NAT1: variants seen among roughly 807,000 people sequenced by gnomAD.
NAT1 encodes arylamine N-acetyltransferase 1.
For synonymous variants in NAT1, 144 were observed against 122.6 expected, an observed-to-expected ratio of 1.17 and a Z score of -1.16; for missense variants, 400 against 339.2, an observed-to-expected ratio of 1.18 and a Z score of -1.41.
At chr8:18,174,642 C>T (rs976637010) in intron 2 of NAT1, among the ~76,000 whole-genome samples, 1 of 151,908 alleles carries the variant, frequency 6.6e-6, no homozygotes, top group Admixed American at 6.6e-5. Flanking sequence ...CTTTAGAGGG[C>T]GGTTATTGTG....
intron 2 of NAT1, among the ~76,000 whole-genome samples, chr8:18,186,771 A>T (rs1802754725): frequency 6.6e-6 from 1 of 152,160 alleles, no homozygotes; most frequent in South Asian, 2.1e-4. Flanking sequence ...ACAAAGCTGA[A>T]AATTAATTGC....
chr8:18,220,318 G>C (rs1281121902), intron 2 of NAT1, among the ~76,000 whole-genome samples: 1 of 151,990 alleles, frequency 6.6e-6, no homozygotes, highest in Non-Finnish European at 1.5e-5. Flanking sequence ...GGTCAGAAAG[G>C]AAAAATAGGA....
chr8:18,178,795 G>C (rs1308665965), intron 2 of NAT1, among the ~76,000 whole-genome samples: 1 of 152,096 alleles, frequency 6.6e-6, no homozygotes, highest in Non-Finnish European at 1.5e-5. Flanking sequence ...GCCGGGTTTT[G>C]AACAGAGACT....
intron 2 of NAT1, among the ~76,000 whole-genome samples, chr8:18,195,774 C>T (rs1454876767): frequency 6.6e-6 from 1 of 152,112 alleles, no homozygotes; most frequent in Non-Finnish European, 1.5e-5. Flanking sequence ...CAGCTGCACT[C>T]AGAGCCCATA....
chr8:18,217,067 T>C, intron 1 of NAT1: 1 of 1,001,892 alleles, frequency 1.0e-6, no homozygotes, highest in Non-Finnish European at 1.5e-6. Flanking sequence ...GATTGGGTGC[T>C]GTGAGTCTGG....
At position 18,222,453 on chromosome 8, in the gene NAT1, G is replaced by A. The variant is rs1443144991; in HGVS notation, c.406G>A (p.Glu136Lys). 2.5e-6 allele frequency: 4 copies of A among 1,613,960 alleles called. No individual in the cohort carries two copies. The African/African-American group carries it at 5.3e-5, about 22-fold the overall frequency. The change falls in exon 3 of 3, where the codon GAG becomes AAG. Residue 136 changes from glutamate (E) to lysine (K), a missense_variant. Physicochemically the swap from Glu to Lys is moderately conservative, Grantham distance 56 (BLOSUM62 1). Transcript: ENST00000307719. ...CTCATACCAGATGTGGCAGCCTCTGGAGTTAATTTCTGGGAAGGATCAGCC... is the reference window on the plus strand; with the variant it reads ...CTCATACCAGATGTGGCAGCCTCTGAAGTTAATTTCTGGGAAGGATCAGCC... ...GRSYQMWQPL[E>K]LISGKDQPQV...
chr8:18,186,248 C>T (rs1041106439), intron 2 of NAT1, among the ~76,000 whole-genome samples: 7 of 152,002 alleles, frequency 4.6e-5, no homozygotes, highest in African/African-American at 9.7e-5. Context: ...TACTTCTTCC[C>T]GTAGTTCTTT....
At chr8:18,218,658 G>C (rs1037025309) in intron 1 of NAT1, among the ~76,000 whole-genome samples, 2 of 152,160 alleles carry the variant, frequency 1.3e-5, no homozygotes, top group Non-Finnish European at 2.9e-5. Context: ...AGTTTTAACA[G>C]CTCACTAGGA....
At chr8:18,171,098 C>T (rs1369998453) in intron 2 of NAT1, among the ~76,000 whole-genome samples, 1 of 152,090 alleles carries the variant, frequency 6.6e-6, no homozygotes, top group East Asian at 1.9e-4. Context: ...CTTGAGAGAG[C>T]ATTTGAGAAT....
chr8:18,174,495 G>C (rs7002669), intron 2 of NAT1, among the ~76,000 whole-genome samples: 39,533 of 151,860 alleles, frequency 0.26, 5,730 homozygotes, highest in African/African-American at 0.38. Context: ...TTCTTAAGTT[G>C]TCAGAGGAAG....
chr8:18,206,140 C>T (rs1028738103), upstream of NAT1, among the ~76,000 whole-genome samples: 5 of 152,208 alleles, frequency 3.3e-5, no homozygotes, highest in East Asian at 9.6e-4. Context: ...GAAGGGTCTC[C>T]TTCTGCTGGA....
At chr8:18,183,841 CT>C (rs1802618655) in intron 2 of NAT1, among the ~76,000 whole-genome samples, 1 of 152,144 alleles carries the variant, frequency 6.6e-6, no homozygotes, top group Admixed American at 6.5e-5. Context: ...CATCTTAAGG[CT>C]TGGAAAAAAA....
At chr8:18,190,901 T>C (rs1802955378) in intron 2 of NAT1, among the ~76,000 whole-genome samples, 2 of 152,038 alleles carry the variant, frequency 1.3e-5, no homozygotes, top group Non-Finnish European at 2.9e-5. Context: ...ACCCCATCTC[T>C]ACTAAAAATA....
chr8:18,202,682 G>C (rs1298411508), intron 2 of NAT1, among the ~76,000 whole-genome samples: 2 of 152,162 alleles, frequency 1.3e-5, no homozygotes, highest in South Asian at 4.1e-4. Flanking sequence ...CCTCCTGGTG[G>C]GTTCGTGGTC....
At chr8:18,198,316 C>T (rs1428577486) in intron 2 of NAT1, among the ~76,000 whole-genome samples, 3 of 152,200 alleles carry the variant, frequency 2.0e-5, no homozygotes, top group Non-Finnish European at 4.4e-5. Context: ...AAGTTAATAT[C>T]TTCCAATTAC....
chr8:18,171,393 G>T (rs547447123), intron 2 of NAT1, among the ~76,000 whole-genome samples: 13 of 152,180 alleles, frequency 8.5e-5, no homozygotes, highest in South Asian at 8.3e-4. Context: ...CTCCTTAAAA[G>T]ATTTCTTTGC....
rs35203470 is a variant in NAT1 at position 18,187,936 on chromosome 8, A to AACACACACACACACACACAC, written n.92+17222_92+17241dup. Among the ~76,000 whole-genome samples the AACACACACACACACACACAC allele has an allele frequency of 1.3e-3, 185 of 137,498 alleles. 2 individuals are homozygous for AACACACACACACACACACAC. The highest frequency in any genetic ancestry group is 4.5e-3 in the East Asian group (20 of 4,450). The allele number at this position is 137,498 out of a possible 152,430, so 90.2% of individuals were successfully genotyped here. ...TTGTATGCTATTATCTTGTATCTTAAACACACACACACACACACACACACA... is the reference window on the plus strand; with the variant it reads ...TTGTATGCTATTATCTTGTATCTTAAACACACACACACACACACACACACACACACACACACACACACACA... On this transcript the variant is annotated intron_variant and non_coding_transcript_variant, in intron 2 of 4. Transcript: ENST00000517441.
chr8:18,192,854 G>T lies in NAT1; in HGVS notation n.93-16927G>T, dbSNP rs549630428. Among the ~76,000 whole-genome samples, 5 of 151,838 alleles carry T rather than the reference G, an allele frequency of 3.3e-5. No individual in the cohort carries two copies. In the South Asian group the frequency reaches 6.2e-4, roughly 19 times the overall value. On this transcript the variant is annotated intron_variant and non_coding_transcript_variant, in intron 2 of 4. Coordinates refer to the NAT1 transcript ENST00000517441. ...GGGGACTGTTGTGGGGTGGGGGAAG[G>T]GGGGAGGGATAGCATTAGGAGATAT...
chr8:18,211,396 A>C (rs1348183824), intron 1 of NAT1: 2 of 152,226 alleles, frequency 1.3e-5, no homozygotes, highest in Non-Finnish European at 2.9e-5. Flanking sequence ...AAAATCAGAC[A>C]TACTGTTTGC....
Sources: allele counts gnomAD v4.1 joint callset (sites outside exome capture counted in the v4.1 genomes callset), GRCh38; gene constraint gnomAD v4.1.1; transcripts MANE v1.5; gene names NCBI Gene and HGNC (gene_info 2026-07-23, HGNC 2026-07-21).